The following EPS8 variants were observed in gnomAD, a reference collection of about 807,000 sequenced individuals.
The protein encoded by EPS8 is EGFR pathway substrate 8, signaling adaptor.
In EPS8, 42 loss-of-function variants were observed where a neutral mutation model predicts 103.8. The observed-to-expected ratio is 0.40, with a 90% CI of 0.32 to 0.52. EPS8 has a LOEUF of 0.52. Ranked by LOEUF, EPS8 falls within the 20% of genes least tolerant of loss-of-function variation. The pLI, the probability that EPS8 is intolerant of heterozygous loss-of-function variation, is 0.40. For missense variants in EPS8, 969 were observed against 1,005.1 expected, an observed-to-expected ratio of 0.96 and a Z score of 0.49; for synonymous variants, 344 against 344.6, an observed-to-expected ratio of 1.00 and a Z score of 0.02.
chr12:15,670,840 CACCAAAGCATCTTACTTCA>C lies in EPS8; in HGVS notation c.201_204+15del. On this transcript the variant is annotated splice_donor_variant and splice_donor_5th_base_variant and coding_sequence_variant and intron_variant, in exon 4 of 21. Coordinates refer to ENST00000281172, the MANE Select transcript of EPS8 (RefSeq NM_004447.6). LOFTEE classifies it high-confidence loss of function. ...AAGGGTCACTCTAAATACTAGCAAA[CACCAAAGCATCTTACTTCA>C]ACACGGTATTGAGATATATCTGACA... 1 of 1,584,392 alleles carries C rather than the reference CACCAAAGCATCTTACTTCA, an allele frequency of 6.3e-7. No individual in the cohort carries two copies. The highest frequency in any genetic ancestry group is 8.7e-7 in the Non-Finnish European group (1 of 1,155,048).
chr12:15,652,360 A>T (rs910472644), intron 13 of EPS8, among the ~76,000 whole-genome samples: 2 of 152,182 alleles, frequency 1.3e-5, no homozygotes, highest in African/African-American at 4.8e-5. Context: ...AGAAGAACTA[A>T]GACCCAGTGT....
In EPS8 at chr12:15,731,221, T is replaced by C. The variant is rs185176478; in HGVS notation, c.-21-48249A>G. ...AGAATTCCTGTAGCCTTGGAAATGTTTATTCTCTTTTCAAAGTATTTTGAA... is the reference window on the plus strand; with the variant it reads ...AGAATTCCTGTAGCCTTGGAAATGTCTATTCTCTTTTCAAAGTATTTTGAA... On this transcript the variant is annotated intron_variant, in intron 1 of 20. Transcript: ENST00000281172. This position sits in a 1 kb window ranked among gnomAD's most constrained non-coding sequence, Gnocchi z 5.1. Among the ~76,000 whole-genome samples, 1 of 152,332 alleles carries C rather than the reference T, an allele frequency of 6.6e-6. No homozygotes were observed. The highest frequency in any genetic ancestry group is 1.5e-5 in the Non-Finnish European group (1 of 68,028).
chr12:15,633,432 C>T (rs1053831058), intron 17 of EPS8, among the ~76,000 whole-genome samples: 1 of 152,058 alleles, frequency 6.6e-6, no homozygotes, highest in East Asian at 1.9e-4. Flanking sequence ...TTTTTAAAGC[C>T]TAAACAAACA....
rs534708749 is a variant in EPS8 at position 15,644,615 on chromosome 12, G to A, written c.1568+2512C>T. 5.3e-5 allele frequency among the ~76,000 whole-genome samples: 8 copies of A among 151,656 alleles called. No individual in the cohort carries two copies. The South Asian group carries it at 8.3e-4, about 16-fold the overall frequency. On this transcript the variant is annotated intron_variant, in intron 15 of 20. Coordinates refer to ENST00000281172, the MANE Select transcript of EPS8 (RefSeq NM_004447.6). ...CAGGAGGTTGAGGCAGGAGAATGGC[G>A]TGAACCCGGGAGGCCGAGCTTGCAG...
intron 18 of EPS8, among the ~76,000 whole-genome samples, chr12:15,626,472 T>C (rs1261092732): frequency 2.0e-5 from 3 of 151,562 alleles, no homozygotes; most frequent in Admixed American, 6.6e-5. Flanking sequence ...CTACTAAAAA[T>C]ACAAAAATTA....
At position 15,647,136 on chromosome 12, in the gene EPS8, T is replaced by C. The variant is rs757942275; in HGVS notation, c.1559A>G (p.His520Arg). Residue 520 changes from histidine (H) to arginine (R), a missense_variant, in exon 15 of 21, where the codon CAT becomes CGT. Physicochemically the swap from His to Arg is conservative, Grantham distance 29 (BLOSUM62 0). Coordinates refer to ENST00000281172, the MANE Select transcript of EPS8 (RefSeq NM_004447.6). ...GCCCATTAAATGTTACCTATCTATA[T>C]GGCGATTAGAAGTTGGCTTAAAAGC... Reference protein sequence around the residue: ...AVAFKPTSNRHIDRNYEPLKT... With the variant: ...AVAFKPTSNRRIDRNYEPLKT... 6.2e-6 allele frequency: 10 copies of C among 1,613,666 alleles called. No homozygotes were observed. Among genetic ancestry groups the C allele is most frequent in the Non-Finnish European group, 7.6e-6 (9 of 1,179,782 alleles).
intron 1 of EPS8, among the ~76,000 whole-genome samples, chr12:15,783,177 G>A (rs1441851853): frequency 6.6e-6 from 1 of 152,090 alleles, no homozygotes; most frequent in Non-Finnish European, 1.5e-5. Context: ...GAGTCATCTG[G>A]TAAGCAAACA....
intron 2 of EPS8, among the ~76,000 whole-genome samples, chr12:15,681,983 A>G (rs958987718): frequency 1.3e-5 from 2 of 152,136 alleles, no homozygotes; most frequent in African/African-American, 2.4e-5. Context: ...ATAGAATGTG[A>G]TATCTGGGTA....
intron 1 of EPS8, 25 bp from the exon 2 acceptor site, chr12:15,682,997 T>A: frequency 7.7e-7 from 1 of 1,300,602 alleles, no homozygotes; most frequent in African/African-American, 1.5e-5. Flanking sequence ...ACACATAGAT[T>A]AAAGGCAATA....
At chr12:15,742,086 G>A (rs1439687134) in intron 1 of EPS8, among the ~76,000 whole-genome samples, 11 of 152,122 alleles carry the variant, frequency 7.2e-5, no homozygotes, top group Non-Finnish European at 1.6e-4. Context: ...GTGTATATGT[G>A]CCACATTTTC....
In EPS8 at chr12:15,771,185, TAA is replaced by T. The variant is rs1229800954; in HGVS notation, c.-22+17974_-22+17975del. Among the ~76,000 whole-genome samples, 1 of 152,170 alleles carries T rather than the reference TAA, an allele frequency of 6.6e-6. No homozygotes were observed. Among genetic ancestry groups the T allele is most frequent in the Non-Finnish European group, 1.5e-5 (1 of 68,028 alleles). On this transcript the variant is annotated intron_variant, in intron 1 of 20. Coordinates refer to ENST00000281172, the MANE Select transcript of EPS8 (RefSeq NM_004447.6). This position sits in a 1 kb window ranked among gnomAD's most constrained non-coding sequence, Gnocchi z 4.6. ...ATTCGATTTGTATATAGAGATAAATTAAAAAGTTATTCCAAATATAGACAAGA... is the reference window on the plus strand; with the variant it reads ...ATTCGATTTGTATATAGAGATAAATTAAAGTTATTCCAAATATAGACAAGA...
intron 1 of EPS8, among the ~76,000 whole-genome samples, chr12:15,685,361 GA>G (rs925703949): frequency 8.0e-5 from 12 of 150,030 alleles, no homozygotes; most frequent in South Asian, 2.1e-4. Flanking sequence ...TTCCAAAACT[GA>G]AAAAAAAAGA....
chr12:15,739,028 T>C (rs1317204922), intron 1 of EPS8, among the ~76,000 whole-genome samples: 1 of 152,234 alleles, frequency 6.6e-6, no homozygotes, highest in Non-Finnish European at 1.5e-5. Context: ...GTTACTATTC[T>C]AAGCCTAGAT....
At chr12:15,678,627 A>G (rs1444363498) in intron 3 of EPS8, among the ~76,000 whole-genome samples, 2 of 152,174 alleles carry the variant, frequency 1.3e-5, no homozygotes, top group Non-Finnish European at 2.9e-5. Context: ...GGGGGAAAAT[A>G]AAAATTAACT....
At position 15,714,558 on chromosome 12, in the gene EPS8, CTTGAGCCCAGGAGT is replaced by C. The variant is rs1428062792; in HGVS notation, c.-21-31600_-21-31587del. Among the ~76,000 whole-genome samples the C allele has an allele frequency of 6.6e-6, 1 of 152,118 alleles. No homozygotes were observed. Among genetic ancestry groups the C allele is most frequent in the Non-Finnish European group, 1.5e-5 (1 of 68,018 alleles). Reference sequence around the variant, plus strand: ...TCATGAGGCTGAGACAGGAGAACTGCTTGAGCCCAGGAGTTTGAGCCCAGGAGTGAGCTATGATC... The same window carrying C: ...TCATGAGGCTGAGACAGGAGAACTGCTTGAGCCCAGGAGTGAGCTATGATC... On this transcript the variant is annotated intron_variant, in intron 1 of 20. Transcript: ENST00000281172. This position sits in a 1 kb window ranked among gnomAD's most constrained non-coding sequence, Gnocchi z 4.1.
chr12:15,688,385 G>T lies in EPS8; in HGVS notation c.-21-5413C>A, dbSNP rs974233756. ...GGAAGTGCTGGGTAGAGGAAGGCGG[G>T]GTCACTGGTTAGGGCTCCACCCCCA... On this transcript the variant is annotated intron_variant, in intron 1 of 20. Transcript: ENST00000281172. This position sits in a 1 kb window ranked among gnomAD's most constrained non-coding sequence, Gnocchi z 5.1. Among the ~76,000 whole-genome samples the T allele has an allele frequency of 6.6e-6, 1 of 152,056 alleles. No individual in the cohort carries two copies. The highest frequency in any genetic ancestry group is 2.4e-5 in the African/African-American group (1 of 41,404).
At chr12:15,623,552 T>C (rs1944895406) in intron 19 of EPS8, among the ~76,000 whole-genome samples, 2 of 152,162 alleles carry the variant, frequency 1.3e-5, no homozygotes, top group Admixed American at 1.3e-4. Context: ...TACCAATTCT[T>C]GGGATTTGGT....
chr12:15,694,688 T>C (rs533971421), intron 1 of EPS8, among the ~76,000 whole-genome samples: 1 of 152,344 alleles, frequency 6.6e-6, no homozygotes, highest in East Asian at 1.9e-4. Flanking sequence ...AAAATTCAAG[T>C]TGCCTATAAA....
At chr12:15,646,310 C>T (rs1393169095) in intron 15 of EPS8, among the ~76,000 whole-genome samples, 1 of 152,070 alleles carries the variant, frequency 6.6e-6, no homozygotes, top group Non-Finnish European at 1.5e-5. Context: ...AAAGAGTATA[C>T]AGAAAAGAAG....
Sources: gnomAD v4.1 joint callset for allele counts (sites outside exome capture counted in the v4.1 genomes callset) on GRCh38, gnomAD v4.1.1 for gene constraint, Gnocchi (gnomAD v3.1) non-coding constraint, MANE v1.5 for transcripts, NCBI Gene and HGNC (gene_info 2026-07-23, HGNC 2026-07-21) for gene names.